The following SHISA9 variants were observed in gnomAD, a reference collection of about 807,000 sequenced individuals.
SHISA9 encodes the protein shisa family member 9.
A neutral mutation model predicts 38.0 loss-of-function variants in SHISA9; 13 were observed. The ratio of observed to expected loss-of-function variants is 0.34; its 90% CI spans 0.22 to 0.54. The LOEUF (loss-of-function observed/expected upper bound fraction) is 0.54, where lower values mean the gene tolerates loss of function less well. Among genes scored for constraint, SHISA9 ranks in the 20% least tolerant of loss-of-function variants. The probability of loss-of-function intolerance (pLI) is 0.91; values close to 1 mark genes in which losing one functional copy is unlikely to be tolerated. For synonymous variants in SHISA9, 275 were observed against 242.0 expected, an observed-to-expected ratio of 1.14 and a Z score of -1.27; for missense variants, 538 against 575.8, an observed-to-expected ratio of 0.93 and a Z score of 0.67.
intron 2 of SHISA9, among the ~76,000 whole-genome samples, chr16:13,026,379 C>A (rs963918820): frequency 6.6e-6 from 1 of 152,200 alleles, no homozygotes; most frequent in Non-Finnish European, 1.5e-5. Context: ...CAAGTCTTAT[C>A]TATGTGTCTT....
At chr16:13,229,993 T>C (rs1175616680) in intron 4 of SHISA9, among the ~76,000 whole-genome samples, 1 of 152,168 alleles carries the variant, frequency 6.6e-6, no homozygotes, top group African/African-American at 2.4e-5. Flanking sequence ...TAGTTATACA[T>C]TTATGTAATT....
the SHISA9 span, among the ~76,000 whole-genome samples, chr16:13,551,912 A>C: frequency 6.6e-6 from 1 of 152,082 alleles, no homozygotes; most frequent in South Asian, 2.1e-4. Context: ...CTGTAGTCCT[A>C]GCTACTGGGG....
the SHISA9 span, among the ~76,000 whole-genome samples, chr16:13,273,967 T>TC: frequency 2.0e-5 from 3 of 152,130 alleles, no homozygotes; most frequent in Non-Finnish European, 4.4e-5. Context: ...TGAAAGAGAA[T>TC]CTGGGCTCTT....
the SHISA9 span, among the ~76,000 whole-genome samples, chr16:13,279,502 A>T: frequency 6.6e-6 from 1 of 151,934 alleles, no homozygotes; most frequent in East Asian, 1.9e-4. Flanking sequence ...ATTTAATTCT[A>T]TTGTAGTCAT....
intron 4 of SHISA9, among the ~76,000 whole-genome samples, chr16:13,231,829 G>T (rs1410101983): frequency 6.6e-6 from 1 of 152,168 alleles, no homozygotes; most frequent in African/African-American, 2.4e-5. Context: ...GAAACCAAGG[G>T]TTTCCGTCTG....
chr16:13,085,143 G>T (rs536861771), intron 2 of SHISA9, among the ~76,000 whole-genome samples: 76 of 152,274 alleles, frequency 5.0e-4, no homozygotes, highest in African/African-American at 1.7e-3. Flanking sequence ...TACCAATATG[G>T]TGGACTCAAC....
At chr16:13,244,647 G>A (rs1030640629), downstream of SHISA9, among the ~76,000 whole-genome samples, 1 of 152,158 alleles carries the variant, frequency 6.6e-6, no homozygotes, top group Admixed American at 6.5e-5. Flanking sequence ...TGGACTATTA[G>A]TAGTTTAGTA....
In SHISA9 at chr16:12,943,863, C is replaced by T. The variant is rs185780958; in HGVS notation, c.691+27048C>T. ...AAAGACACTAGCTCAGGGTTCACAT[C>T]TTGAAATTCTTGACTTACTTGTTTA... On this transcript the variant is annotated intron_variant, in intron 2 of 4. Transcript: ENST00000558583. 1.4e-4 allele frequency among the ~76,000 whole-genome samples: 21 copies of T among 152,324 alleles called. No individual in the cohort carries two copies. In the Middle Eastern group the frequency reaches 0.01, roughly 74 times the overall value.
rs150661775 is a variant in SHISA9, at chr16:13,095,137, C to T, written c.692-108257C>T. On this transcript the variant is annotated intron_variant, in intron 2 of 4. Transcript: ENST00000558583. ...AGAAGAAGAGAATTTTCTGAGCAAT[C>T]GTTGTTCCTGGCCATACTTGTGGGC... Among the ~76,000 whole-genome samples, 945 of 152,314 alleles carry T rather than the reference C, an allele frequency of 6.2e-3. 10 individuals are homozygous for T. The highest frequency in any genetic ancestry group is 0.022 in the African/African-American group (894 of 41,570).
intron 2 of SHISA9, among the ~76,000 whole-genome samples, chr16:13,168,810 C>T (rs1200419681): frequency 6.6e-6 from 1 of 152,224 alleles, no homozygotes; most frequent in Non-Finnish European, 1.5e-5. Context: ...ACTGTGTGGC[C>T]TTGGCCAAGT....
chr16:13,258,059 A>G, the SHISA9 span, among the ~76,000 whole-genome samples: 3 of 152,154 alleles, frequency 2.0e-5, no homozygotes, highest in African/African-American at 7.2e-5. Flanking sequence ...TAGCTAGAAA[A>G]TCTTAGCATC....
chr16:13,171,342 A>G (rs943488462), intron 2 of SHISA9, among the ~76,000 whole-genome samples: 2 of 152,154 alleles, frequency 1.3e-5, no homozygotes, highest in African/African-American at 2.4e-5. Context: ...TCCAAACCAT[A>G]TCAGGCTTCT....
chr16:13,036,544 T>C (rs951266071), intron 2 of SHISA9, among the ~76,000 whole-genome samples: 11 of 152,124 alleles, frequency 7.2e-5, no homozygotes, highest in African/African-American at 2.4e-4. Context: ...ATCTTGATGG[T>C]GGGGCTAGTT....
At chr16:13,227,151 T>C (rs982348545) in intron 4 of SHISA9, among the ~76,000 whole-genome samples, 3 of 152,224 alleles carry the variant, frequency 2.0e-5, no homozygotes, top group Non-Finnish European at 2.9e-5. Flanking sequence ...TGTCTGCTTC[T>C]GTTTCTGATT....
chr16:13,145,097 G>A (rs150064), intron 2 of SHISA9, among the ~76,000 whole-genome samples: 94,300 of 152,042 alleles, frequency 0.62, 30,098 homozygotes, highest in East Asian at 0.75. Context: ...CTTGCCAGGT[G>A]GCTTGCAGAC....
At chr16:13,274,092 C>A in the SHISA9 span, among the ~76,000 whole-genome samples, 1 of 152,114 alleles carries the variant, frequency 6.6e-6, no homozygotes, top group Non-Finnish European at 1.5e-5. Context: ...AGACAAGTAT[C>A]CATAACACAT....
chr16:13,435,391 G>A, the SHISA9 span, among the ~76,000 whole-genome samples: 1 of 152,154 alleles, frequency 6.6e-6, no homozygotes, highest in Non-Finnish European at 1.5e-5. Flanking sequence ...AAAACATCAG[G>A]CAAATGACAG....
intron 2 of SHISA9, among the ~76,000 whole-genome samples, chr16:13,001,697 G>A (rs2072527833): frequency 1.3e-5 from 2 of 152,170 alleles, no homozygotes; most frequent in African/African-American, 4.8e-5. Context: ...CCTAAGATTT[G>A]TGTCTTACAT....
chr16:13,340,829 G>C, the SHISA9 span, among the ~76,000 whole-genome samples: 1 of 152,180 alleles, frequency 6.6e-6, no homozygotes, highest in East Asian at 1.9e-4. Context: ...CCGGGCCTTT[G>C]CACATGCTGT....
Sources: allele counts gnomAD v4.1 joint callset (sites outside exome capture counted in the v4.1 genomes callset), GRCh38; gene constraint gnomAD v4.1.1; transcripts MANE v1.5; gene names NCBI Gene and HGNC (gene_info 2026-07-23, HGNC 2026-07-21).